The following CDKL5 variants were observed in gnomAD, a reference collection of about 807,000 sequenced individuals.
CDKL5 encodes cyclin-dependent kinase-like 5.
Under a neutral mutation model 61.7 loss-of-function variants are expected in CDKL5, and 8 were observed. That is an observed-to-expected ratio of 0.13 (90% CI 0.08 to 0.23). The LOEUF is 0.23. CDKL5 is among the 10% of genes least tolerant of loss of function. The pLI, the probability that CDKL5 is intolerant of heterozygous loss-of-function variation, is 1.00. For missense variants in CDKL5, 440 were observed against 734.5 expected (o/e 0.60, Z 4.63); for synonymous variants, 275 against 272.3 (o/e 1.01, Z -0.10).
intron 1 of CDKL5, among the ~76,000 whole-genome samples, chrX:18,501,519 G>A (rs1222431350): frequency 9.1e-6 from 1 of 110,434 alleles, no homozygotes; most frequent in African/African-American, 3.3e-5. Context: ...ACAAAGAATA[G>A]TGAGACCAAA....
At chrX:18,581,861 A>T in intron 6 of CDKL5, 30 bp from the exon 7 acceptor site, 1 of 1,014,776 alleles carries the variant, frequency 9.9e-7, no homozygotes, top group African/African-American at 1.9e-5. Context: ...GAACATTTTT[A>T]CTAATTTTTT....
At chrX:18,550,921 G>C (rs1242541434) in intron 3 of CDKL5, among the ~76,000 whole-genome samples, 1 of 112,470 alleles carries the variant, frequency 8.9e-6, no homozygotes, top group Non-Finnish European at 1.9e-5. Context: ...GTGTGAATTT[G>C]GTGTAGACAA....
intron 9 of CDKL5, among the ~76,000 whole-genome samples, chrX:18,591,417 T>G (rs1925825386): frequency 9.0e-6 from 1 of 111,070 alleles, no homozygotes; most frequent in Non-Finnish European, 1.9e-5. Flanking sequence ...TCAACTGTAT[T>G]TCTTTTCTCT....
At chrX:18,483,780 T>C (rs978686842) in intron 1 of CDKL5, among the ~76,000 whole-genome samples, 1 of 111,386 alleles carries the variant, frequency 9.0e-6, no homozygotes, top group African/African-American at 3.3e-5. Context: ...GGAGGACATA[T>C]CAAAATCTAG....
chrX:18,456,395 G>A (rs1932144152), intron 1 of CDKL5, among the ~76,000 whole-genome samples: 1 of 112,016 alleles, frequency 8.9e-6, no homozygotes, highest in Admixed American at 9.5e-5. Context: ...TTTCATTGAT[G>A]TGCTACTGAA....
Position 18,432,201 on chromosome X carries a change from C to T in CDKL5, c.-163+6506C>T, listed in dbSNP as rs569288891. Among the ~76,000 whole-genome samples, 9 of 106,731 alleles carry T rather than the reference C, an allele frequency of 8.4e-5. No individual in the cohort carries two copies. In the South Asian group the frequency reaches 3.0e-3, roughly 35 times the overall value. 92.7% of individuals were successfully genotyped at this position (106,731 alleles called of 115,157 possible). A position where few individuals can be genotyped will look rare whatever the true frequency, so the allele number is the denominator to read the frequency against. On this transcript the variant is annotated intron_variant, in intron 1 of 17. Transcript: ENST00000623535. ...GCAACCTCTGCCTCCTGGGTTCAAG[C>T]GATTCTCCTGCCTCAGCCTCCTGAG...
intron 20 of CDKL5, among the ~76,000 whole-genome samples, chrX:18,649,353 T>C (rs994811733): frequency 1.8e-5 from 2 of 111,787 alleles, no homozygotes; most frequent in African/African-American, 6.5e-5. Flanking sequence ...TCCCACCTCA[T>C]TCTCCTAGTT....
At chrX:18,534,586 G>C (rs1415219355) in intron 3 of CDKL5, among the ~76,000 whole-genome samples, 1 of 111,911 alleles carries the variant, frequency 8.9e-6, no homozygotes, top group African/African-American at 3.2e-5. Context: ...CTGGCACCTA[G>C]GAGGCTCTAA....
At chrX:18,578,247 G>A (rs183139282) in intron 5 of CDKL5, among the ~76,000 whole-genome samples, 18 of 112,411 alleles carry the variant, frequency 1.6e-4, no homozygotes, top group Admixed American at 1.5e-3. Context: ...CCTTTCTAAA[G>A]TATTCAACTT....
chrX:18,589,489 CA>C (rs1925756227), intron 9 of CDKL5: 1 of 111,021 alleles, frequency 9.0e-6, no homozygotes, highest in Admixed American at 9.6e-5. Flanking sequence ...TTTATGGCTG[CA>C]TAGTATTCCA....
chrX:18,511,381 G>A (rs921840228), intron 3 of CDKL5, among the ~76,000 whole-genome samples: 17 of 110,439 alleles, frequency 1.5e-4, no homozygotes, highest in African/African-American at 5.6e-4. Context: ...TAGCAATCAC[G>A]TGCTATTTTT....
chrX:18,529,889 C>T (rs1277090710), intron 3 of CDKL5, among the ~76,000 whole-genome samples: 2 of 109,973 alleles, frequency 1.8e-5, no homozygotes, highest in Non-Finnish European at 1.9e-5. Flanking sequence ...TGCAGTTTGG[C>T]ACCCTTAATT....
chrX:18,462,896 C>T lies in CDKL5; in HGVS notation c.-163+37201C>T, dbSNP rs192934769. Reference sequence around the variant, plus strand: ...AAAATTAACCAGGCATGGTGGTGTGCGCCTGTAATCCCAGCTACTCAGGAG... The same window carrying T: ...AAAATTAACCAGGCATGGTGGTGTGTGCCTGTAATCCCAGCTACTCAGGAG... On this transcript the variant is annotated intron_variant, in intron 1 of 17. Transcript: ENST00000623535. Among the ~76,000 whole-genome samples, 387 of 110,115 alleles carry T rather than the reference C, an allele frequency of 3.5e-3. 1 individual carries two copies. The highest frequency in any genetic ancestry group is 5.9e-3 in the Non-Finnish European group (310 of 52,742).
At chrX:18,647,655 T>TA (rs1927841771) in intron 20 of CDKL5, 1 of 291,917 alleles carries the variant, frequency 3.4e-6, no homozygotes, top group African/African-American at 2.7e-5. Context: ...CTTAGAGATC[T>TA]AAAAACCAAG....
intron 3 of CDKL5, among the ~76,000 whole-genome samples, chrX:18,530,144 TG>T (rs1472668034): frequency 1.9e-5 from 2 of 106,590 alleles, no homozygotes; most frequent in Non-Finnish European, 3.9e-5. Flanking sequence ...CTGGCGAACG[TG>T]GTGAAACCCC....
downstream of CDKL5, chrX:18,641,131 G>A (rs919563543): frequency 3.6e-5 from 4 of 112,374 alleles, no homozygotes; most frequent in African/African-American, 1.3e-4. Context: ...AGCTGTTCTC[G>A]AACTATGTTT....
At chrX:18,431,201 C>T (rs976251247) in intron 1 of CDKL5, among the ~76,000 whole-genome samples, 2 of 111,280 alleles carry the variant, frequency 1.8e-5, no homozygotes, top group Admixed American at 9.6e-5. Context: ...ATTAAGAGAA[C>T]TAAACAGTTA....
intron 3 of CDKL5, among the ~76,000 whole-genome samples, chrX:18,562,674 G>T (rs918049043): frequency 9.0e-6 from 1 of 111,568 alleles, no homozygotes; most frequent in South Asian, 3.7e-4. Flanking sequence ...TCTCTTAATT[G>T]CATGTGTTTT....
intron 4 of CDKL5, among the ~76,000 whole-genome samples, chrX:18,573,141 T>G (rs1925187392): frequency 9.0e-6 from 1 of 110,896 alleles, no homozygotes; most frequent in Admixed American, 9.6e-5. Flanking sequence ...GGGGCTATTT[T>G]GGGAACTGAA....
Sources: gnomAD v4.1 joint callset for allele counts (sites outside exome capture counted in the v4.1 genomes callset) on GRCh38, gnomAD v4.1.1 for gene constraint, MANE v1.5 for transcripts, NCBI Gene and HGNC (gene_info 2026-07-23, HGNC 2026-07-21) for gene names.